The following RGPD2 variants were observed in gnomAD, a reference collection of about 807,000 sequenced individuals.
RGPD2 encodes RANBP2-like and GRIP domain-containing protein 2.
Under a neutral mutation model 36.0 loss-of-function variants are expected in RGPD2, and 2 were observed. The ratio of observed to expected loss-of-function variants is 0.06; its 90% confidence interval spans 0.02 to 0.17. The LOEUF is 0.17. Among genes scored for constraint, RGPD2 ranks in the 10% least tolerant of loss-of-function variants. RGPD2 has a pLI of 1.00. For missense variants in RGPD2, 40 were observed against 464.3 expected (o/e 0.09, Z 8.40); for synonymous variants, 19 against 163.8 (o/e 0.12, Z 6.75).
the RGPD2 span, among the ~76,000 whole-genome samples, chr2:87,915,340 A>ATATGTATATTATATATATTGTATATAT: frequency 2.1e-4 from 23 of 109,580 alleles, 1 homozygote; most frequent in African/African-American, 8.8e-4. Context: ...TTGTATATAT[A>ATATGTATATTATATATATTGTATATAT]ATGTATATTA....
the RGPD2 span, among the ~76,000 whole-genome samples, chr2:87,978,169 A>G: frequency 2.0e-5 from 3 of 151,602 alleles, no homozygotes; most frequent in Non-Finnish European, 4.4e-5. Context: ...ACTAAAATAA[A>G]AAATTCTGCT....
chr2:87,907,463 A>AAAAAAATT, the RGPD2 span, among the ~76,000 whole-genome samples: 1 of 20,472 alleles, frequency 4.9e-5, no homozygotes, highest in Non-Finnish European at 8.9e-5. Context: ...AAAAAAAAAA[A>AAAAAAATT]GAATTGTGGG....
At chr2:87,989,560 G>C in the RGPD2 span, 1 of 411,744 alleles carries the variant, frequency 2.4e-6, no homozygotes, top group Admixed American at 4.5e-5. Context: ...AAGTAAAATA[G>C]TGCCAAAAAA....
the RGPD2 span, among the ~76,000 whole-genome samples, chr2:87,958,628 T>C: frequency 6.6e-6 from 1 of 152,394 alleles, no homozygotes; most frequent in East Asian, 1.9e-4. Flanking sequence ...ACCTCATTAG[T>C]ATTTTTCAAT....
chr2:87,985,671 A>G, the RGPD2 span: 1 of 1,395,174 alleles, frequency 7.2e-7, no homozygotes, highest in Non-Finnish European at 1.0e-6. Context: ...ATTACCAATT[A>G]TGCAACCATT....
At chr2:87,857,220 T>G in the RGPD2 span, among the ~76,000 whole-genome samples, 3 of 152,374 alleles carry the variant, frequency 2.0e-5, no homozygotes, top group Non-Finnish European at 4.4e-5. Flanking sequence ...TTAGGAAAAT[T>G]ATGCACATTT....
chr2:87,876,968 T>C, the RGPD2 span, among the ~76,000 whole-genome samples: 2 of 152,392 alleles, frequency 1.3e-5, no homozygotes, highest in South Asian at 4.1e-4. Flanking sequence ...CCCTTCATTG[T>C]CTTTTTTTTA....
chr2:87,966,173 C>G, the RGPD2 span, among the ~76,000 whole-genome samples: 1 of 152,226 alleles, frequency 6.6e-6, no homozygotes, highest in African/African-American at 2.4e-5. Flanking sequence ...TATCATCATT[C>G]TGGTTATTCT....
At chr2:87,849,039 C>T in the RGPD2 span, among the ~76,000 whole-genome samples, 1 of 152,190 alleles carries the variant, frequency 6.6e-6, no homozygotes, top group South Asian at 2.1e-4. Context: ...TACAAAAAAA[C>T]ATTAAACATT....
At chr2:87,855,157 T>C in the RGPD2 span, among the ~76,000 whole-genome samples, 1 of 151,776 alleles carries the variant, frequency 6.6e-6, no homozygotes, top group Non-Finnish European at 1.5e-5. Flanking sequence ...CCTGAAATTG[T>C]GTACCCTTTT....
At chr2:87,952,014 T>G in the RGPD2 span, among the ~76,000 whole-genome samples, 2 of 152,210 alleles carry the variant, frequency 1.3e-5, no homozygotes, top group Non-Finnish European at 2.9e-5. Context: ...TACATCTGCT[T>G]CCACCTGTTG....
the RGPD2 span, among the ~76,000 whole-genome samples, chr2:87,845,877 A>T: frequency 2.0e-5 from 3 of 152,080 alleles, no homozygotes; most frequent in Non-Finnish European, 2.9e-5. Context: ...TTAAATTAGA[A>T]ATTATACTTA....
the RGPD2 span, among the ~76,000 whole-genome samples, chr2:87,846,476 A>G: frequency 6.6e-6 from 1 of 152,104 alleles, no homozygotes; most frequent in Non-Finnish European, 1.5e-5. Flanking sequence ...CCCCAAATAC[A>G]TTGACTTGAT....
At chr2:87,836,164 GA>G in the RGPD2 span, among the ~76,000 whole-genome samples, 2 of 151,352 alleles carry the variant, frequency 1.3e-5, no homozygotes, top group Admixed American at 1.3e-4. Flanking sequence ...CCATTCCCAA[GA>G]CACATAGTCC....
the RGPD2 span, among the ~76,000 whole-genome samples, chr2:87,873,044 C>T: frequency 0.024 from 3,636 of 149,796 alleles, no homozygotes; most frequent in Non-Finnish European, 0.039. Context: ...AGGCATGAGC[C>T]ACCGTGCCTG....
chr2:87,935,348 A>G, the RGPD2 span, among the ~76,000 whole-genome samples: 1 of 151,350 alleles, frequency 6.6e-6, no homozygotes, highest in African/African-American at 2.4e-5. Context: ...GAGAAAAATC[A>G]TGAAACAGTA....
chr2:87,831,143 T>C, the RGPD2 span, among the ~76,000 whole-genome samples: 1 of 152,188 alleles, frequency 6.6e-6, no homozygotes, highest in African/African-American at 2.4e-5. Flanking sequence ...ATAAATATTC[T>C]AGAGATTAAA....
the RGPD2 span, among the ~76,000 whole-genome samples, chr2:87,884,085 C>T: frequency 6.6e-6 from 1 of 152,088 alleles, no homozygotes; most frequent in African/African-American, 2.4e-5. Context: ...AAAAAGAAAT[C>T]ATATCAAGTA....
the RGPD2 span, among the ~76,000 whole-genome samples, chr2:87,951,815 C>T: frequency 1.4e-5 from 2 of 139,076 alleles, no homozygotes; most frequent in Non-Finnish European, 1.6e-5. Flanking sequence ...AAACTCCTGA[C>T]TTTGTGATCC....
Sources: gnomAD v4.1 joint callset for allele counts (sites outside exome capture counted in the v4.1 genomes callset) on GRCh38, gnomAD v4.1.1 for gene constraint, MANE v1.5 for transcripts, NCBI Gene and HGNC (gene_info 2026-07-23, HGNC 2026-07-21) for gene names.